The following PSMD1 variants were observed in gnomAD, a reference collection of about 807,000 sequenced individuals.
The protein encoded by PSMD1 is 26S proteasome non-ATPase regulatory subunit 1.
In PSMD1, 18 loss-of-function variants were observed where a neutral mutation model predicts 119.0. The observed-to-expected ratio is 0.15, with a 90% CI of 0.10 to 0.22. The LOEUF is 0.22. Ranked by LOEUF, PSMD1 falls within the 10% of genes least tolerant of loss-of-function variation. The pLI is 1.00. For synonymous variants in PSMD1, 374 were observed against 396.6 expected, an observed-to-expected ratio of 0.94 and a Z score of 0.68; for missense variants, 702 against 1,158.5, an observed-to-expected ratio of 0.61 and a Z score of 5.72.
At chr2:231,057,378 C>G (rs969909260) in intron 1 of PSMD1, among the ~76,000 whole-genome samples, 48 of 152,328 alleles carry the variant, frequency 3.2e-4, no homozygotes, top group Middle Eastern at 3.4e-3. Flanking sequence ...TGAGGTCGTC[C>G]AGCCCCAGTT....
intron 1 of PSMD1, among the ~76,000 whole-genome samples, chr2:231,058,429 T>A (rs753688698): frequency 6.6e-6 from 1 of 152,226 alleles, no homozygotes; most frequent in African/African-American, 2.4e-5. Flanking sequence ...AGTGCTTACA[T>A]TGTGTTTAGA....
chr2:231,139,252 C>T (rs1396886366), intron 17 of PSMD1, among the ~76,000 whole-genome samples: 1 of 151,880 alleles, frequency 6.6e-6, no homozygotes, highest in Non-Finnish European at 1.5e-5. Flanking sequence ...GATCCACCCG[C>T]CTTGGCCTCC....
At chr2:231,116,798 TTTTC>T (rs1225784106) in intron 16 of PSMD1, among the ~76,000 whole-genome samples, 1 of 152,096 alleles carries the variant, frequency 6.6e-6, no homozygotes, top group African/African-American at 2.4e-5. Context: ...TGATACAGAA[TTTTC>T]TTTAAGAAAG....
At chr2:231,104,336 CT>C (rs200566168) in intron 16 of PSMD1, among the ~76,000 whole-genome samples, 2,522 of 152,196 alleles carry the variant, frequency 0.017, 37 homozygotes, top group Non-Finnish European at 0.024. Flanking sequence ...CCGTGAGCTG[CT>C]TAGGTTTTGC....
chr2:231,112,514 A>G (rs929275597), intron 16 of PSMD1, among the ~76,000 whole-genome samples: 7 of 152,216 alleles, frequency 4.6e-5, no homozygotes, highest in African/African-American at 1.7e-4. Context: ...ATGAAGGTCA[A>G]TCTCATTGTT....
intron 16 of PSMD1, among the ~76,000 whole-genome samples, chr2:231,100,442 C>T (rs1694837014): frequency 6.6e-6 from 1 of 151,952 alleles, no homozygotes; most frequent in South Asian, 2.1e-4. Context: ...AGTGCTTTGG[C>T]AGGAGTCAGG....
chr2:231,089,069 G>C (rs967578482), intron 16 of PSMD1, among the ~76,000 whole-genome samples: 1 of 152,206 alleles, frequency 6.6e-6, no homozygotes, highest in Non-Finnish European at 1.5e-5. Context: ...GCCCAATACA[G>C]AGCAAGACGT....
At chr2:231,153,168 AAG>A (rs1350637415) in intron 18 of PSMD1, among the ~76,000 whole-genome samples, 181 of 152,336 alleles carry the variant, frequency 1.2e-3, no homozygotes, top group African/African-American at 4.1e-3. Context: ...GGTGGAACTG[AAG>A]GACCATGCTT....
chr2:231,100,639 T>G (rs912969196), intron 16 of PSMD1, among the ~76,000 whole-genome samples: 1 of 152,174 alleles, frequency 6.6e-6, no homozygotes, highest in African/African-American at 2.4e-5. Context: ...GGCAAAGAAT[T>G]GAACATACTG....
intron 16 of PSMD1, among the ~76,000 whole-genome samples, chr2:231,129,475 C>G (rs1314115281): frequency 1.3e-5 from 2 of 152,174 alleles, no homozygotes; most frequent in Non-Finnish European, 2.9e-5. Context: ...TTAGCAGCAC[C>G]TGAAAAGTAT....
intron 16 of PSMD1, among the ~76,000 whole-genome samples, chr2:231,104,868 G>C (rs1461954464): frequency 6.6e-6 from 1 of 152,088 alleles, no homozygotes; most frequent in East Asian, 1.9e-4. Flanking sequence ...GTTTTCTGAA[G>C]TGACATCATT....
chr2:231,146,403 T>G, intron 18 of PSMD1, 47 bp downstream of exon 18: 1 of 1,429,770 alleles, frequency 7.0e-7, no homozygotes, highest in South Asian at 1.2e-5. Context: ...TTTGGTCTTT[T>G]CTTTAGTAAC....
At chr2:231,080,515 G>A (rs148127079) in intron 12 of PSMD1, among the ~76,000 whole-genome samples, 270 of 151,232 alleles carry the variant, frequency 1.8e-3, no homozygotes, top group African/African-American at 6.1e-3. Context: ...TAAACCCTGC[G>A]TGTATTTGTA....
At chr2:231,105,794 CCACTAACACTAA>C (rs113354673) in intron 16 of PSMD1, among the ~76,000 whole-genome samples, 4,567 of 152,166 alleles carry the variant, frequency 0.03, 248 homozygotes, top group African/African-American at 0.1. Flanking sequence ...GAACCAGTTA[CCACTAACACTAA>C]CACTAACTTC....
At chr2:231,095,643 A>C (rs1044069419) in intron 16 of PSMD1, among the ~76,000 whole-genome samples, 1 of 152,222 alleles carries the variant, frequency 6.6e-6, no homozygotes, top group Non-Finnish European at 1.5e-5. Flanking sequence ...CTGACCTTTC[A>C]TTATTGATAG....
At chr2:231,169,148 G>C (rs1010217580) in intron 23 of PSMD1, among the ~76,000 whole-genome samples, 2 of 152,094 alleles carry the variant, frequency 1.3e-5, no homozygotes, top group Non-Finnish European at 2.9e-5. Context: ...TATTAGTTTT[G>C]GGATTTTTTT....
At chr2:231,113,633 A>C in intron 16 of PSMD1, 4 of 1,071,418 alleles carry the variant, frequency 3.7e-6, no homozygotes, top group Non-Finnish European at 5.8e-6. Flanking sequence ...TTGACCTCTC[A>C]TGCTGAGTTT....
intron 19 of PSMD1, among the ~76,000 whole-genome samples, chr2:231,157,592 G>T: frequency 6.7e-6 from 1 of 149,692 alleles, no homozygotes. Context: ...TTTTTGGGGG[G>T]GGCCAATTCT....
chr2:231,083,370 ATATGAATGTGCGAACCCTAAATG>A (rs1694359949), intron 13 of PSMD1, among the ~76,000 whole-genome samples, 174 bp from the exon 14 acceptor site: 1 of 152,240 alleles, frequency 6.6e-6, no homozygotes, highest in Admixed American at 6.5e-5. Flanking sequence ...ACAACCCTAA[ATATGAATGTGCGAACCCTAAATG>A]TATGAATGTG....
Sources: allele counts gnomAD v4.1 joint callset (sites outside exome capture counted in the v4.1 genomes callset), GRCh38; gene constraint gnomAD v4.1.1; transcripts MANE v1.5; gene names NCBI Gene and HGNC (gene_info 2026-07-23, HGNC 2026-07-21).